Variants in UBQLNL observed in about 807,000 individuals in gnomAD.
UBQLNL encodes the protein ubiquilin-like protein.
For synonymous variants in UBQLNL, 223 were observed against 209.7 expected, an observed-to-expected ratio of 1.06 and a Z score of -0.55; for missense variants, 589 against 567.1, an observed-to-expected ratio of 1.04 and a Z score of -0.39.
Position 5,514,835 on chromosome 11 carries a change from T to G in UBQLNL, c.*179A>C. 3 of 639,452 alleles carry G rather than the reference T, an allele frequency of 4.7e-6. 1 individual carries two copies. The highest frequency in any genetic ancestry group is 5.4e-6 in the Non-Finnish European group (2 of 369,792). 39.6% of individuals were successfully genotyped at this position (639,452 alleles called of 1,614,324 possible). The stretch of plus-strand genomic sequence containing the variant: ...AGCACTCAGGTCCCTTGGGCTCAGC[T>G]GTATCTGAAACATTCCAGGAACAGG... On this transcript the variant is annotated 3_prime_UTR_variant, in exon 1 of 1. Coordinates refer to ENST00000380184, the MANE Select transcript of UBQLNL (RefSeq NM_145053.5).
chr11:5,514,827 G>T lies in UBQLNL; in HGVS notation c.*187C>A. The T allele has an allele frequency of 1.6e-6, 1 of 623,086 alleles. No individual in the cohort carries two copies. The highest frequency in any genetic ancestry group is 2.7e-5 in the East Asian group (1 of 36,602). 38.6% of individuals were successfully genotyped at this position (623,086 alleles called of 1,614,324 possible). A position where few individuals can be genotyped will look rare whatever the true frequency, so the allele number is the denominator to read the frequency against. ...CTTGTGGCAGCACTCAGGTCCCTTGGGCTCAGCTGTATCTGAAACATTCCA... is the reference window on the plus strand; with the variant it reads ...CTTGTGGCAGCACTCAGGTCCCTTGTGCTCAGCTGTATCTGAAACATTCCA... On this transcript the variant is annotated 3_prime_UTR_variant, in exon 1 of 1. Coordinates refer to ENST00000380184, the MANE Select transcript of UBQLNL (RefSeq NM_145053.5).
Position 5,515,565 on chromosome 11 carries a change from G to A in UBQLNL, c.877C>T (p.Pro293Ser). ...TGTCCTGCCAGGAGAGCTGTGAAAG[G>A]GTTTCCTCCAAAAGGATCTTGCATG... ...NSMQDPFGGNPFTALLAGQVL... is the reference protein window; with the variant it reads ...NSMQDPFGGNSFTALLAGQVL... The change falls in exon 1 of 1, where the codon CCT (proline) becomes TCT (serine). Residue 293 changes from proline to serine, a missense_variant. Transcript: ENST00000380184. 1.9e-6 allele frequency: 3 copies of A among 1,614,074 alleles called. No homozygotes were observed. The highest frequency in any genetic ancestry group is 2.2e-5 in the East Asian group (1 of 44,850).
Position 5,515,815 on chromosome 11 carries a change from T to G in UBQLNL, c.627A>C (p.Pro209=), listed in dbSNP as rs872751. ...TATCAAGAAGAAGGCGGGAAACTTC[T>G]GGGTTCTGCTGCATCAATTGTTGCG... The part of the protein sequence containing the change: ...LDTQQLMQQN[P]EVSRLLLDNS... Residue 209 remains proline, a synonymous_variant, in exon 1 of 1, where the codon CCA becomes CCC. Transcript: ENST00000380184. The G allele has an allele frequency of 0.29, 464,654 of 1,613,794 alleles. 69,088 individuals carry two copies. The highest frequency in any genetic ancestry group is 0.41 in the East Asian group (18,272 of 44,832).
rs1846540824 is a variant in UBQLNL at position 5,516,665 on chromosome 11, C to T, written c.-224G>A. On this transcript the variant is annotated 5_prime_UTR_variant, in exon 1 of 1. An upstream start codon of the reference 5' UTR is lost. Coordinates refer to ENST00000380184, the MANE Select transcript of UBQLNL (RefSeq NM_145053.5). ...CAGATGTGGCCCAGCTGAGGCCTGG[C>T]ATAGCTACTGATTCATAATTCACCC... 2 of 548,924 alleles carry T rather than the reference C, an allele frequency of 3.6e-6. No homozygotes were observed. The highest frequency in any genetic ancestry group is 6.7e-6 in the Non-Finnish European group (2 of 299,326). The allele number at this position is 548,924 out of a possible 1,614,324, so 34.0% of individuals were successfully genotyped here. A position where few individuals can be genotyped will look rare whatever the true frequency, so the allele number is the denominator to read the frequency against.
In UBQLNL at chr11:5,516,198, G is replaced by A; in HGVS notation, c.244C>T (p.His82Tyr). ...LVFMGCLLKD[H>Y]DTLSQRGIMD... ...ATGCCCCTCTGGCTCAGTGTGTCAT[G>A]GTCTTTGAGAAGGCAACCCATGAAG... The change falls in exon 1 of 1, where the codon CAT becomes TAT. Residue 82 changes from histidine to tyrosine, a missense_variant. By Grantham distance (83) the His-to-Tyr change is moderately conservative. Transcript: ENST00000380184. 6.2e-7 allele frequency: 1 copy of A among 1,614,130 alleles called. No homozygotes were observed. Among genetic ancestry groups the A allele is most frequent in the Non-Finnish European group, 8.5e-7 (1 of 1,180,026 alleles).
rs1846535797 is a variant in UBQLNL at position 5,516,277 on chromosome 11, G to A, written c.165C>T (p.Phe55=). ...GGAAGTGAGCCAATAGCATCTCCTT[G>A]AACTGCCTTACCGAGATGTCATCAG... ...MVADDISVRQ[F]KEMLLAHFQC... The change falls in exon 1 of 1, where the codon TTC becomes TTT. Residue 55 remains phenylalanine (F), a synonymous_variant. Transcript: ENST00000380184. 1.2e-6 allele frequency: 2 copies of A among 1,614,148 alleles called. No homozygotes were observed. Among genetic ancestry groups the A allele is most frequent in the East Asian group, 2.2e-5 (1 of 44,882 alleles).
Position 5,515,007 on chromosome 11 carries a change from G to T in UBQLNL, c.*7C>A. ...CTGCAATATTGCTTGGAATGCTTTA[G>T]GGTTGCCTAAGCACTAAGCAGATCA... On this transcript the variant is annotated 3_prime_UTR_variant, in exon 1 of 1. Coordinates refer to ENST00000380184, the MANE Select transcript of UBQLNL (RefSeq NM_145053.5). 5 of 1,610,938 alleles carry T rather than the reference G, an allele frequency of 3.1e-6. No individual in the cohort carries two copies. The highest frequency in any genetic ancestry group is 4.2e-6 in the Non-Finnish European group (5 of 1,178,538).
In UBQLNL at chr11:5,516,079, G is replaced by A. The variant is rs144353879; in HGVS notation, c.363C>T (p.Pro121=). The stretch of plus-strand genomic sequence containing the variant: ...CTTTGGTGTTTCTGTCCCGGTGGCA[G>A]GGATCATTCGTTGGCAGGTCCCGGA... ...HSFRDLPTND[P]CHRDRNTKGN... The change falls in exon 1 of 1, where the codon CCC becomes CCT. Residue 121 remains proline (P), a synonymous_variant. Coordinates refer to ENST00000380184, the MANE Select transcript of UBQLNL (RefSeq NM_145053.5). 13 of 1,613,918 alleles carry A rather than the reference G, an allele frequency of 8.1e-6. No homozygotes were observed. In the African/African-American group the frequency reaches 1.6e-4, roughly 20 times the overall value.
Position 5,515,089 on chromosome 11 carries a change from C to G in UBQLNL, c.1353G>C (p.Gln451His), listed in dbSNP as rs376843438. Residue 451 changes from glutamine (Q) to histidine (H), a missense_variant, in exon 1 of 1, where the codon CAG becomes CAC. Gln to His is a conservative substitution (Grantham distance 24). Transcript: ENST00000380184. The stretch of plus-strand genomic sequence containing the variant: ...GCTGCTGCCTCCACTGTTCACTCAG[C>G]TGGGGCATACTTGTGAACAACATAA... ...AQIMLFTSMPQLSEQWRQQLP... is the reference protein window; with the variant it reads ...AQIMLFTSMPHLSEQWRQQLP... The G allele has an allele frequency of 6.2e-7, 1 of 1,614,108 alleles. No individual in the cohort carries two copies. The highest frequency in any genetic ancestry group is 8.5e-7 in the Non-Finnish European group (1 of 1,180,046).
At position 5,515,400 on chromosome 11, in the gene UBQLNL, T is replaced by C. The variant is rs776589884; in HGVS notation, c.1042A>G (p.Thr348Ala). The C allele has an allele frequency of 5.0e-6, 8 of 1,614,102 alleles. No homozygotes were observed. The highest frequency in any genetic ancestry group is 5.9e-6 in the Non-Finnish European group (7 of 1,180,028). ...GAAGTGTGGTTGACCTTGTTAAGGG[T>C]GTCATTGGCTGAGGTGTTTGAAGAG... ...GFSSNTSAND[T>A]LNKVNHTSKA... The change falls in exon 1 of 1, where the codon ACC becomes GCC. Residue 348 changes from threonine to alanine, a missense_variant. Transcript: ENST00000380184.
In UBQLNL at chr11:5,516,387, C is replaced by G. The variant is rs751398854; in HGVS notation, c.55G>C (p.Gly19Arg). The G allele has an allele frequency of 3.7e-6, 6 of 1,613,998 alleles. No individual in the cohort carries two copies. In the South Asian group the frequency reaches 5.5e-5, roughly 15 times the overall value. ...GAGATATTTTTGTCTGCCAGCAGAC[C>G]TGATGGACATCCACTCTGGGACATC... ...SRMSQSGCPS[G>R]LLADKNISSS... Residue 19 changes from glycine to arginine, a missense_variant, in exon 1 of 1, where the codon GGT becomes CGT. Transcript: ENST00000380184.
chr11:5,516,482 G>T lies in UBQLNL; in HGVS notation c.-41C>A. ...GGCAGATGGGGAGCAGGTGGAAGCT[G>T]GGGCAGAAAGGGTGAGGGCAGACAA... On this transcript the variant is annotated 5_prime_UTR_variant, in exon 1 of 1. Coordinates refer to ENST00000380184, the MANE Select transcript of UBQLNL (RefSeq NM_145053.5). The T allele has an allele frequency of 6.5e-7, 1 of 1,548,892 alleles. No individual in the cohort carries two copies.
chr11:5,516,334 C>G lies in UBQLNL; in HGVS notation c.108G>C (p.Lys36Asn). Reference sequence around the variant, plus strand: ...TAAAGTCTTTCTGGTTGCCTGCAGTCTTCACTATCACTCGAGTGGCACTTG... The same window carrying G: ...TAAAGTCTTTCTGGTTGCCTGCAGTGTTCACTATCACTCGAGTGGCACTTG... ...ISSSATRVIV[K>N]TAGNQKDFMV... Residue 36 changes from lysine to asparagine, a missense_variant, in exon 1 of 1, where the codon AAG becomes AAC. Physicochemically the swap from Lys to Asn is moderately conservative, Grantham distance 94. Transcript: ENST00000380184. 6.2e-7 allele frequency: 1 copy of G among 1,614,142 alleles called. No individual in the cohort carries two copies. The highest frequency in any genetic ancestry group is 8.5e-7 in the Non-Finnish European group (1 of 1,180,012).
In UBQLNL at chr11:5,514,872, G is replaced by T; in HGVS notation, c.*142C>A. ...ATTCCAGGAACAGGGCACTGTGTCAGGATAGCTGCAGCTGGGGGCAGGAAG... is the reference window on the plus strand; with the variant it reads ...ATTCCAGGAACAGGGCACTGTGTCATGATAGCTGCAGCTGGGGGCAGGAAG... On this transcript the variant is annotated 3_prime_UTR_variant, in exon 1 of 1. Coordinates refer to ENST00000380184, the MANE Select transcript of UBQLNL (RefSeq NM_145053.5). The T allele has an allele frequency of 1.3e-6, 1 of 757,460 alleles. No homozygotes were observed. The allele number at this position is 757,460 out of a possible 1,614,324, so 46.9% of individuals were successfully genotyped here. A position where few individuals can be genotyped will look rare whatever the true frequency, so the allele number is the denominator to read the frequency against.
rs767768943 is a variant in UBQLNL, at chr11:5,515,076, A to C, written c.1366T>G (p.Trp456Gly). The C allele has an allele frequency of 1.2e-6, 2 of 1,614,182 alleles. No individual in the cohort carries two copies. Among genetic ancestry groups the C allele is most frequent in the Non-Finnish European group, 1.7e-6 (2 of 1,180,024 alleles). The stretch of plus-strand genomic sequence containing the variant: ...AGGAATGTGGGCAGCTGCTGCCTCC[A>C]CTGTTCACTCAGCTGGGGCATACTT... ...FTSMPQLSEQWRQQLPTFLQQ... is the reference protein window; with the variant it reads ...FTSMPQLSEQGRQQLPTFLQQ... The change falls in exon 1 of 1, where the codon TGG becomes GGG. Residue 456 changes from tryptophan to glycine, a missense_variant. Coordinates refer to ENST00000380184, the MANE Select transcript of UBQLNL (RefSeq NM_145053.5).
rs915541647 is a variant in UBQLNL at position 5,514,885 on chromosome 11, T to G, written c.*129A>C. Reference sequence around the variant, plus strand: ...GGCACTGTGTCAGGATAGCTGCAGCTGGGGGCAGGAAGCCAACCCAGGCCC... The same window carrying G: ...GGCACTGTGTCAGGATAGCTGCAGCGGGGGGCAGGAAGCCAACCCAGGCCC... On this transcript the variant is annotated 3_prime_UTR_variant, in exon 1 of 1. Coordinates refer to ENST00000380184, the MANE Select transcript of UBQLNL (RefSeq NM_145053.5). 11 of 830,110 alleles carry G rather than the reference T, an allele frequency of 1.3e-5. No homozygotes were observed. The highest frequency in any genetic ancestry group is 1.9e-5 in the Non-Finnish European group (10 of 522,630). The allele number at this position is 830,110 out of a possible 1,614,324, so 51.4% of individuals were successfully genotyped here.
Position 5,515,271 on chromosome 11 carries a change from G to T in UBQLNL, c.1171C>A (p.Gln391Lys), listed in dbSNP as rs149141668. ...PALPSIELTQ[Q>K]LQEEYKDATV... ...GCATCCTTGTATTCTTCTTGAAGCT[G>T]CTGGGTAAGCTCTATGCTAGGTAAG... The change falls in exon 1 of 1, where the codon CAG (glutamine) becomes AAG (lysine). Residue 391 changes from glutamine to lysine, a missense_variant. Transcript: ENST00000380184. The T allele has an allele frequency of 7.5e-5, 121 of 1,614,232 alleles. 1 individual carries two copies. The Middle Eastern group carries it at 2.0e-3, about 26-fold the overall frequency.
Position 5,516,330 on chromosome 11 carries a change from C to A in UBQLNL, c.112G>T (p.Ala38Ser). ...SSATRVIVKT[A>S]GNQKDFMVAD... ...ACCATAAAGTCTTTCTGGTTGCCTG[C>A]AGTCTTCACTATCACTCGAGTGGCA... The change falls in exon 1 of 1, where the codon GCA becomes TCA. Residue 38 changes from alanine to serine, a missense_variant. Coordinates refer to ENST00000380184, the MANE Select transcript of UBQLNL (RefSeq NM_145053.5). The A allele has an allele frequency of 1.2e-6, 2 of 1,614,124 alleles. No individual in the cohort carries two copies. The highest frequency in any genetic ancestry group is 2.2e-5 in the South Asian group (2 of 91,072).
At position 5,515,002 on chromosome 11, in the gene UBQLNL, C is replaced by T. The variant is rs1300133238; in HGVS notation, c.*12G>A. On this transcript the variant is annotated 3_prime_UTR_variant, in exon 1 of 1. Coordinates refer to ENST00000380184, the MANE Select transcript of UBQLNL (RefSeq NM_145053.5). ...TCAATCTGCAATATTGCTTGGAATG[C>T]TTTAGGGTTGCCTAAGCACTAAGCA... 5.0e-6 allele frequency: 8 copies of T among 1,609,404 alleles called. No homozygotes were observed. The South Asian group carries it at 7.7e-5, about 16-fold the overall frequency.
Sources: allele counts gnomAD v4.1 joint callset, GRCh38; gene constraint gnomAD v4.1.1; transcripts MANE v1.5; gene names NCBI Gene and HGNC (gene_info 2026-07-23, HGNC 2026-07-21).